The following CYP19A1 variants were observed in gnomAD, a reference collection of about 807,000 sequenced individuals.
CYP19A1 encodes the protein cytochrome P450 family 19 subfamily A member 1, also known as aromatase.
Under a neutral mutation model 44.4 loss-of-function variants are expected in CYP19A1, and 32 were observed. The observed-to-expected ratio is 0.72, with a 90% CI of 0.54 to 0.97. The LOEUF (loss-of-function observed/expected upper bound fraction) is 0.97, where lower values mean the gene tolerates loss of function less well. CYP19A1 is among the 50% of genes least tolerant of loss of function. The probability of loss-of-function intolerance (pLI) is 0.00; values close to 1 mark genes in which losing one functional copy is unlikely to be tolerated. For synonymous variants in CYP19A1, 212 were observed against 215.6 expected, an observed-to-expected ratio of 0.98 and a Z score of 0.14; for missense variants, 598 against 637.8, an observed-to-expected ratio of 0.94 and a Z score of 0.67.
intron 3 of CYP19A1, among the ~76,000 whole-genome samples, chr15:51,233,961 C>T (rs947281233): frequency 3.9e-5 from 6 of 152,170 alleles, no homozygotes; most frequent in African/African-American, 1.4e-4. Context: ...AGCGCACATG[C>T]CTGACTTCTC....
At chr15:51,325,864 A>AT (rs2036600865) in intron 1 of CYP19A1, among the ~76,000 whole-genome samples, 1 of 131,102 alleles carries the variant, frequency 7.6e-6, no homozygotes, top group Non-Finnish European at 1.6e-5. Context: ...AAAAAAAAAA[A>AT]GGGCATTGAG....
intron 1 of CYP19A1, among the ~76,000 whole-genome samples, chr15:51,247,586 C>T (rs2034119652): frequency 6.6e-6 from 1 of 152,280 alleles, no homozygotes; most frequent in Admixed American, 6.5e-5. Context: ...GATTCTCTTG[C>T]CTCAGTTCCC....
chr15:51,264,016 T>G (rs2034826128), intron 1 of CYP19A1, among the ~76,000 whole-genome samples: 1 of 152,178 alleles, frequency 6.6e-6, no homozygotes, highest in African/African-American at 2.4e-5. Flanking sequence ...GTGGTATTTT[T>G]AGGACACTGT....
chr15:51,212,863 C>G (rs921464845), intron 8 of CYP19A1, among the ~76,000 whole-genome samples: 2 of 152,162 alleles, frequency 1.3e-5, no homozygotes, highest in Admixed American at 6.5e-5. Flanking sequence ...AATGGGCTGA[C>G]GCTGAGTGGC....
intron 1 of CYP19A1, among the ~76,000 whole-genome samples, chr15:51,271,714 G>A (rs1946025513): frequency 6.6e-6 from 1 of 152,184 alleles, no homozygotes; most frequent in Non-Finnish European, 1.5e-5. Context: ...ATTAGTCTGA[G>A]GTCAGGCTGT....
At chr15:51,225,161 C>A (rs1200724477) in intron 4 of CYP19A1, among the ~76,000 whole-genome samples, 1 of 152,182 alleles carries the variant, frequency 6.6e-6, no homozygotes, top group African/African-American at 2.4e-5. Context: ...CTCTCTCCCC[C>A]ATTATAAGTT....
intron 1 of CYP19A1, among the ~76,000 whole-genome samples, chr15:51,292,868 T>G (rs1179293829): frequency 6.6e-6 from 1 of 151,872 alleles, no homozygotes; most frequent in African/African-American, 2.4e-5. Context: ...GGTCCTTTAG[T>G]GGACACAGGT....
intron 5 of CYP19A1, chr15:51,221,982 T>C (rs1225666703): frequency 1.0e-5 from 4 of 397,926 alleles, no homozygotes; most frequent in Non-Finnish European, 1.8e-5. Flanking sequence ...TATATGTATG[T>C]ATATATCATG....
intron 5 of CYP19A1, among the ~76,000 whole-genome samples, chr15:51,219,590 T>A (rs1263269000): frequency 6.6e-6 from 1 of 152,206 alleles, no homozygotes; most frequent in East Asian, 1.9e-4. Context: ...AGGCTGGAGC[T>A]GCTTCTGTCT....
chr15:51,256,840 A>G (rs1290302068), intron 1 of CYP19A1, among the ~76,000 whole-genome samples: 2 of 152,214 alleles, frequency 1.3e-5, no homozygotes, highest in Non-Finnish European at 2.9e-5. Flanking sequence ...CCTTCAAAAA[A>G]CAAAGCGATC....
At chr15:51,227,699 T>A (rs1204556964) in intron 4 of CYP19A1, 80 bp downstream of exon 4, 2 of 427,772 alleles carry the variant, frequency 4.7e-6, no homozygotes, top group Non-Finnish European at 4.2e-6. Context: ...AATAAATAAA[T>A]AAAATATTTT....
At chr15:51,322,655 T>C (rs2036546261) in intron 1 of CYP19A1, among the ~76,000 whole-genome samples, 1 of 152,166 alleles carries the variant, frequency 6.6e-6, no homozygotes, top group South Asian at 2.1e-4. Flanking sequence ...ACAAAATGTT[T>C]TCCATCCTTG....
intron 1 of CYP19A1, among the ~76,000 whole-genome samples, chr15:51,245,366 G>A (rs926349122): frequency 2.0e-5 from 3 of 152,058 alleles, no homozygotes; most frequent in African/African-American, 7.2e-5. Context: ...TATACTTTAA[G>A]TTTTAGGGTA....
intron 1 of CYP19A1, among the ~76,000 whole-genome samples, chr15:51,307,957 A>C (rs1277449247): frequency 6.6e-6 from 1 of 152,216 alleles, no homozygotes; most frequent in Non-Finnish European, 1.5e-5. Context: ...AAACAAATGA[A>C]CACAAAGTTC....
intron 1 of CYP19A1, among the ~76,000 whole-genome samples, chr15:51,265,230 G>A (rs112976928): frequency 1.1e-4 from 16 of 152,130 alleles, no homozygotes; most frequent in South Asian, 2.1e-4. Flanking sequence ...CCCTGGCTGC[G>A]GGCAGGTCAG....
intron 3 of CYP19A1, among the ~76,000 whole-genome samples, chr15:51,229,833 T>C (rs558650134): frequency 1.3e-5 from 2 of 152,398 alleles, no homozygotes; most frequent in African/African-American, 4.8e-5. Context: ...ATTTTTCTGC[T>C]CTGACCCTGG....
chr15:51,275,049 TGTG>T (rs2035257482), intron 1 of CYP19A1, among the ~76,000 whole-genome samples: 1 of 152,216 alleles, frequency 6.6e-6, no homozygotes, highest in Non-Finnish European at 1.5e-5. Context: ...CCGCTCCGCT[TGTG>T]GTTTGGCTTC....
chr15:51,214,796 G>A (rs1281561568), intron 8 of CYP19A1, among the ~76,000 whole-genome samples: 4 of 152,172 alleles, frequency 2.6e-5, no homozygotes, highest in Non-Finnish European at 4.4e-5. Flanking sequence ...AGAGGAGAGC[G>A]GAAAGGATTG....
intron 1 of CYP19A1, among the ~76,000 whole-genome samples, chr15:51,274,564 T>C (rs573312791): frequency 7.9e-5 from 12 of 152,280 alleles, no homozygotes; most frequent in African/African-American, 2.6e-4. Context: ...ACAAATACCA[T>C]CATATTTCCC....
Sources: gnomAD v4.1 joint callset for allele counts (sites outside exome capture counted in the v4.1 genomes callset) on GRCh38, gnomAD v4.1.1 for gene constraint, MANE v1.5 for transcripts, NCBI Gene and HGNC (gene_info 2026-07-23, HGNC 2026-07-21) for gene names.